The following DACH2 variants were observed in gnomAD, a reference collection of about 807,000 sequenced individuals.
DACH2 encodes the protein dachshund homolog 2.
A neutral mutation model predicts 35.8 loss-of-function variants in DACH2; 17 were observed. The ratio of observed to expected loss-of-function variants is 0.48; its 90% CI spans 0.33 to 0.71. The LOEUF (loss-of-function observed/expected upper bound fraction) is 0.71, where lower values mean the gene tolerates loss of function less well. Among genes scored for constraint, DACH2 ranks in the 30% least tolerant of loss-of-function variants. The probability of loss-of-function intolerance (pLI) is 0.02; values close to 1 mark genes in which losing one functional copy is unlikely to be tolerated. For missense variants in DACH2, 469 were observed against 472.7 expected (o/e 0.99, Z 0.07); for synonymous variants, 195 against 177.3 (o/e 1.10, Z -0.79).
chrX:86,160,823 C>G, intron 1 of DACH2: 1 of 488,540 alleles, frequency 2.0e-6, no homozygotes, highest in East Asian at 3.5e-5. Context: ...CAAAGGAGAC[C>G]ACCATACCGG....
intron 2 of DACH2, among the ~76,000 whole-genome samples, chrX:86,476,319 G>A (rs1236363316): frequency 9.0e-6 from 1 of 111,549 alleles, no homozygotes; most frequent in Non-Finnish European, 1.9e-5. Flanking sequence ...TTTCTTCATT[G>A]AGATACTTTT....
At chrX:86,554,871 A>T (rs904218928) in intron 3 of DACH2, among the ~76,000 whole-genome samples, 5 of 111,942 alleles carry the variant, frequency 4.5e-5, no homozygotes, top group Admixed American at 9.6e-5. Context: ...TATATTTTTT[A>T]AAAATATTGC....
intron 2 of DACH2, among the ~76,000 whole-genome samples, chrX:86,492,729 T>C (rs745793498): frequency 8.9e-6 from 1 of 111,884 alleles, no homozygotes; most frequent in Non-Finnish European, 1.9e-5. Context: ...CCTGTGTTAA[T>C]TCACTTAGGA....
chrX:86,611,756 C>G (rs1218005426), intron 3 of DACH2, among the ~76,000 whole-genome samples: 2 of 111,241 alleles, frequency 1.8e-5, no homozygotes, highest in Non-Finnish European at 3.8e-5. Context: ...CCCAAGCCCA[C>G]AGACTCTCTG....
intron 1 of DACH2, among the ~76,000 whole-genome samples, chrX:86,210,712 A>G (rs1411162266): frequency 8.9e-6 from 1 of 111,754 alleles, no homozygotes; most frequent in Non-Finnish European, 1.9e-5. Flanking sequence ...ATTCTAGGGG[A>G]AAAAAAGTTG....
intron 1 of DACH2, among the ~76,000 whole-genome samples, chrX:86,158,379 TG>T (rs2030629072): frequency 9.0e-6 from 1 of 111,537 alleles, no homozygotes; most frequent in Non-Finnish European, 1.9e-5. Context: ...TGGCAACCAG[TG>T]AGTATGTCTT....
chrX:86,438,354 G>A (rs766300096), intron 2 of DACH2, among the ~76,000 whole-genome samples: 10 of 108,806 alleles, frequency 9.2e-5, no homozygotes, highest in African/African-American at 3.4e-4. Context: ...CTCCCAAGGA[G>A]CTGGGATTAC....
intron 6 of DACH2, among the ~76,000 whole-genome samples, chrX:86,732,339 A>G (rs1338818670): frequency 8.9e-6 from 1 of 112,441 alleles, no homozygotes; most frequent in African/African-American, 3.2e-5. Flanking sequence ...TGTTGAATGT[A>G]TGCAAAATAC....
chrX:86,335,012 C>G (rs1007292737), intron 1 of DACH2, among the ~76,000 whole-genome samples: 2 of 111,960 alleles, frequency 1.8e-5, no homozygotes, highest in East Asian at 2.8e-4. Context: ...TTATTAAATA[C>G]AGAATCCTTT....
chrX:86,502,011 T>TCTCCTTCCTTCCTTCC (rs1464785461), intron 2 of DACH2, among the ~76,000 whole-genome samples: 4 of 95,532 alleles, frequency 4.2e-5, no homozygotes, highest in African/African-American at 1.5e-4. Flanking sequence ...TCTTTCCTTC[T>TCTCCTTCCTTCCTTCC]TTCCTTCCTT....
At chrX:86,822,936 G>A (rs562089641) in intron 11 of DACH2, among the ~76,000 whole-genome samples, 1 of 111,661 alleles carries the variant, frequency 9.0e-6, no homozygotes, top group Non-Finnish European at 1.9e-5. Context: ...ACAGAGCCTT[G>A]CTATCTAATT....
chrX:86,552,219 A>T (rs1479962829), intron 3 of DACH2, among the ~76,000 whole-genome samples: 3 of 111,498 alleles, frequency 2.7e-5, no homozygotes, highest in Non-Finnish European at 5.6e-5. Context: ...ATAAAGAGAC[A>T]TATAATACAT....
At chrX:86,530,827 C>T (rs974462198) in intron 3 of DACH2, among the ~76,000 whole-genome samples, 1 of 111,460 alleles carries the variant, frequency 9.0e-6, no homozygotes, top group African/African-American at 3.3e-5. Flanking sequence ...TCTGGGGCTT[C>T]CTAGAGACTT....
intron 1 of DACH2, among the ~76,000 whole-genome samples, chrX:86,275,454 A>T (rs2033900293): frequency 9.0e-6 from 1 of 111,516 alleles, no homozygotes; most frequent in Non-Finnish European, 1.9e-5. Context: ...TTTATGAGGT[A>T]CATTAGATGT....
intron 1 of DACH2, among the ~76,000 whole-genome samples, chrX:86,237,182 C>CA (rs1260727645): frequency 8.9e-6 from 1 of 111,788 alleles, no homozygotes; most frequent in Non-Finnish European, 1.9e-5. Context: ...CAATAACACA[C>CA]ATAGGGCTGC....
intron 4 of DACH2, among the ~76,000 whole-genome samples, chrX:86,661,806 G>GA (rs1050201093): frequency 5.4e-5 from 6 of 112,088 alleles, no homozygotes; most frequent in African/African-American, 1.9e-4. Flanking sequence ...CATATTCACA[G>GA]ATTGGTTTCA....
chrX:86,346,040 A>AT (rs965948683), intron 1 of DACH2, among the ~76,000 whole-genome samples: 1 of 112,007 alleles, frequency 8.9e-6, no homozygotes, highest in African/African-American at 3.2e-5. Context: ...CCTTGTTTAC[A>AT]TTTTTTAAAT....
intron 1 of DACH2, among the ~76,000 whole-genome samples, chrX:86,361,466 G>A (rs1202605195): frequency 9.0e-6 from 1 of 111,050 alleles, no homozygotes; most frequent in African/African-American, 3.3e-5. Flanking sequence ...GAGCAATCCA[G>A]TGGTGTTTCA....
At chrX:86,511,690 T>C (rs746354213) in intron 2 of DACH2, among the ~76,000 whole-genome samples, 1 of 111,823 alleles carries the variant, frequency 8.9e-6, no homozygotes, top group South Asian at 3.7e-4. Flanking sequence ...GGGTACCTAG[T>C]GCATGTTTGT....
Sources: gnomAD v4.1 joint callset for allele counts (sites outside exome capture counted in the v4.1 genomes callset) on GRCh38, gnomAD v4.1.1 for gene constraint, MANE v1.5 for transcripts, NCBI Gene and HGNC (gene_info 2026-07-23, HGNC 2026-07-21) for gene names.